ABCG1: variants seen among roughly 807,000 people sequenced by gnomAD.
The protein encoded by ABCG1 is ATP-binding cassette sub-family G member 1.
Under a neutral mutation model 69.2 loss-of-function variants are expected in ABCG1, and 29 were observed. The ratio of observed to expected loss-of-function variants is 0.42; its 90% CI spans 0.31 to 0.57. The LOEUF (loss-of-function observed/expected upper bound fraction) is 0.57, where lower values mean the gene tolerates loss of function less well. ABCG1 is among the 20% of genes least tolerant of loss of function. The pLI is 0.15. For missense variants in ABCG1, 718 were observed against 898.1 expected, an observed-to-expected ratio of 0.80 and a Z score of 2.56; for synonymous variants, 370 against 374.8, an observed-to-expected ratio of 0.99 and a Z score of 0.15.
At position 42,288,196 on chromosome 21, in the gene ABCG1, T is replaced by TG. The variant is rs1162864751; in HGVS notation, c.1123-14dup. 1 of 1,613,740 alleles carries TG rather than the reference T, an allele frequency of 6.2e-7. No individual in the cohort carries two copies. Among genetic ancestry groups the TG allele is most frequent in the Non-Finnish European group, 8.5e-7 (1 of 1,179,644 alleles). On this transcript the variant is annotated splice_polypyrimidine_tract_variant and intron_variant, in intron 9 of 14. Transcript: ENST00000398449. The surrounding 1 kb of genome is among the most constrained non-coding windows in gnomAD (Gnocchi z 4.8). ...GACTGGCTTTCACCCGCTCCCCTCT[T>TG]GCGTGTGTCCTCAGGACTCCTCGTC...
intron 2 of ABCG1, among the ~76,000 whole-genome samples, chr21:42,266,309 T>TAAATA (rs59850533): frequency 0.05 from 7,491 of 150,782 alleles, 326 homozygotes; most frequent in African/African-American, 0.12. Flanking sequence ...TCAAAATAAA[T>TAAATA]AAATAAAATA....
intron 13 of ABCG1, among the ~76,000 whole-genome samples, chr21:42,293,147 CCACACACGG>C (rs2069114272): frequency 1.4e-5 from 2 of 146,102 alleles, no homozygotes; most frequent in Non-Finnish European, 3.0e-5. Flanking sequence ...ACACTACACA[CCACACACGG>C]TACACACCAC....
chr21:42,251,404 G>A (rs2068218646), intron 2 of ABCG1, among the ~76,000 whole-genome samples: 1 of 152,196 alleles, frequency 6.6e-6, no homozygotes, highest in Admixed American at 6.5e-5. Context: ...GGCTCAGCGA[G>A]ATACACTAAG....
rs1030797070 is a variant in ABCG1 at position 42,287,724 on chromosome 21, C to T, written c.974-165C>T. Among the ~76,000 whole-genome samples, 12 of 152,238 alleles carry T rather than the reference C, an allele frequency of 7.9e-5. No homozygotes were observed. Among genetic ancestry groups the T allele is most frequent in the African/African-American group, 2.2e-4 (9 of 41,464 alleles). ...GGGCCTTGCTGGGGGGTTTGAGAGC[C>T]GCACGCTGGTTGATAAATGATTTTG... On this transcript the variant is annotated intron_variant, in intron 8 of 14. Coordinates refer to ENST00000398449, the MANE Select transcript of ABCG1 (RefSeq NM_016818.3). The surrounding 1 kb of genome is among the most constrained non-coding windows in gnomAD (Gnocchi z 6.2).
At position 42,271,081 on chromosome 21, in the gene ABCG1, C is replaced by T; in HGVS notation, c.298C>T (p.Leu100Phe). The change falls in exon 3 of 15, where the codon CTC (leucine) becomes TTC (phenylalanine). Residue 100 changes from leucine to phenylalanine, a missense_variant. This residue lies in a region of ABCG1 where 514 missense variants were observed against 574.3 expected (regional missense o/e 0.90). Transcript: ENST00000398449. The stretch of plus-strand genomic sequence containing the variant: ...CTGCTTTTTTGCAGGATACAAGACC[C>T]TCCTGAAAGGAATTTCCGGGAAGTT... ...PWWRKKGYKT[L>F]LKGISGKFNS... is the part of the protein sequence containing the mutation. 1 of 1,550,348 alleles carries T rather than the reference C, an allele frequency of 6.5e-7. No homozygotes were observed. Among genetic ancestry groups the T allele is most frequent in the Non-Finnish European group, 8.7e-7 (1 of 1,152,672 alleles).
chr21:42,224,174 G>C (rs1216211975), intron 1 of ABCG1, among the ~76,000 whole-genome samples: 3 of 152,192 alleles, frequency 2.0e-5, no homozygotes, highest in African/African-American at 7.2e-5. Flanking sequence ...GCATTGTCTT[G>C]TCCCACAGCT....
At chr21:42,216,922 G>A (rs1365656453), upstream of ABCG1, among the ~76,000 whole-genome samples, 5 of 152,118 alleles carry the variant, frequency 3.3e-5, no homozygotes, top group Non-Finnish European at 7.4e-5. Flanking sequence ...CACGTGGTGG[G>A]GATTTTGACC....
At chr21:42,240,556 T>C (rs2068036658) in intron 2 of ABCG1, among the ~76,000 whole-genome samples, 1 of 152,266 alleles carries the variant, frequency 6.6e-6, no homozygotes, top group Admixed American at 6.5e-5. Context: ...ATTCAAGTGA[T>C]TCTTCTGCCT....
At chr21:42,266,812 A>C (rs192277703) in intron 2 of ABCG1, among the ~76,000 whole-genome samples, 4 of 152,260 alleles carry the variant, frequency 2.6e-5, no homozygotes, top group Admixed American at 2.0e-4. Flanking sequence ...AGATGTTGAC[A>C]TTAGGGCCCC....
Position 42,287,187 on chromosome 21 carries a change from G to A in ABCG1, c.974-702G>A, listed in dbSNP as rs1218341064. On this transcript the variant is annotated intron_variant, in intron 8 of 14. Coordinates refer to ENST00000398449, the MANE Select transcript of ABCG1 (RefSeq NM_016818.3). The surrounding 1 kb of genome is among the most constrained non-coding windows in gnomAD (Gnocchi z 6.2). The stretch of plus-strand genomic sequence containing the variant: ...GCAGAGGGGTTGGGAGAAAGCAGAT[G>A]TAGGCAGAGGGAAGGAGGCCAGTCA... Among the ~76,000 whole-genome samples the A allele has an allele frequency of 2.0e-5, 3 of 152,172 alleles. No homozygotes were observed. The East Asian group carries it at 5.8e-4, about 29-fold the overall frequency.
chr21:42,217,674 C>G (rs909748693), upstream of ABCG1, among the ~76,000 whole-genome samples: 4 of 127,774 alleles, frequency 3.1e-5, no homozygotes, highest in Non-Finnish European at 6.4e-5. Context: ...GGTAATGGAT[C>G]TACTCTTTTT....
At position 42,225,914 on chromosome 21, in the gene ABCG1, G is replaced by T. The variant is rs796286205; in HGVS notation, c.286G>T (p.Gly96Ter). The T allele has an allele frequency of 6.2e-7, 1 of 1,610,570 alleles. No homozygotes were observed. The highest frequency in any genetic ancestry group is 1.3e-5 in the African/African-American group (1 of 74,798). ...TGAAGGACCCTGGTGGAGGAAGAAA[G>T]GTAGGGAGGGCGGCTGCTTTGTGTA... ...VPEGPWWRKK[G>*]YKTLLKGISG... is the part of the protein sequence containing the mutation. The change falls in exon 2 of 15, where the codon GGA (glycine) becomes TGA (stop). Residue 96 changes from glycine (G) to a stop codon, truncating the protein, a stop_gained and splice_region_variant. Coordinates refer to ENST00000398449, the MANE Select transcript of ABCG1 (RefSeq NM_016818.3). LOFTEE classifies it high-confidence loss of function.
rs1343784432 is a variant in ABCG1 at position 42,296,135 on chromosome 21, C to T, written c.1773-29C>T. On this transcript the variant is annotated intron_variant, in intron 14 of 14. Coordinates refer to ENST00000398449, the MANE Select transcript of ABCG1 (RefSeq NM_016818.3). The surrounding 1 kb of genome is among the most constrained non-coding windows in gnomAD (Gnocchi z 5.4). ...ACGGCGTGGCTGGCTGGGAGAACGT[C>T]CTCCCTCATGCCTGGCCTTTCCTCC... 3 of 1,583,838 alleles carry T rather than the reference C, an allele frequency of 1.9e-6. No individual in the cohort carries two copies. The South Asian group carries it at 3.3e-5, about 18-fold the overall frequency.
At chr21:42,270,894 C>T (rs932009779) in intron 2 of ABCG1, among the ~76,000 whole-genome samples, 176 bp from the exon 3 acceptor site, 2 of 152,136 alleles carry the variant, frequency 1.3e-5, no homozygotes, top group Admixed American at 1.3e-4. Context: ...CAATTGAAGA[C>T]GTAGACCAGG....
chr21:42,289,858 G>T (rs1445624070), intron 10 of ABCG1, among the ~76,000 whole-genome samples, 192 bp from the exon 11 acceptor site: 9 of 152,218 alleles, frequency 5.9e-5, no homozygotes. Context: ...GTATGTGTGT[G>T]TGTGAGTGTG....
chr21:42,270,055 T>C (rs968337643), intron 2 of ABCG1, among the ~76,000 whole-genome samples: 4 of 152,080 alleles, frequency 2.6e-5, no homozygotes, highest in Non-Finnish European at 5.9e-5. Context: ...CACAAGGAGA[T>C]TGAGACCATC....
At chr21:42,277,674 C>T (rs548234115) in intron 5 of ABCG1, among the ~76,000 whole-genome samples, 1 of 152,344 alleles carries the variant, frequency 6.6e-6, no homozygotes, top group South Asian at 2.1e-4. Context: ...AACCCCCCTT[C>T]TATAAGATTA....
In ABCG1 at chr21:42,288,169, C is replaced by G. The variant is rs199911169; in HGVS notation, c.1123-42C>G. 13 of 1,611,450 alleles carry G rather than the reference C, an allele frequency of 8.1e-6. No individual in the cohort carries two copies. In the South Asian group the frequency reaches 1.2e-4, roughly 15 times the overall value. On this transcript the variant is annotated intron_variant, in intron 9 of 14. Coordinates refer to ENST00000398449, the MANE Select transcript of ABCG1 (RefSeq NM_016818.3). The surrounding 1 kb of genome is among the most constrained non-coding windows in gnomAD (Gnocchi z 4.8). The stretch of plus-strand genomic sequence containing the variant: ...TCCGAGCAAGAAGGAGCCGTGGCTC[C>G]GGACTGGCTTTCACCCGCTCCCCTC...
intron 1 of ABCG1, chr21:42,220,145 C>T: frequency 9.3e-7 from 1 of 1,074,946 alleles, no homozygotes; most frequent in East Asian, 2.7e-5. Flanking sequence ...AGCCACCCAC[C>T]TCACCTTATC....
Sources: allele counts gnomAD v4.1 joint callset (sites outside exome capture counted in the v4.1 genomes callset), GRCh38; gene constraint gnomAD v4.1.1; regional missense constraint gnomAD v4.1.1; non-coding constraint Gnocchi (gnomAD v3.1); transcripts MANE v1.5; gene names NCBI Gene and HGNC (gene_info 2026-07-23, HGNC 2026-07-21).